The following PGLYRP4 variants were observed in gnomAD, a reference collection of about 807,000 sequenced individuals.
PGLYRP4 encodes the protein peptidoglycan recognition protein 4, also known as PGRP-I-beta.
Under a neutral mutation model 41.2 loss-of-function variants are expected in PGLYRP4, and 39 were observed. The ratio of observed to expected loss-of-function variants is 0.95; its 90% CI spans 0.73 to 1.24. PGLYRP4 has a LOEUF of 1.24. Ranked by LOEUF, PGLYRP4 falls within the 50% of genes most tolerant of loss-of-function variation. PGLYRP4 has a pLI of 0.00. For missense variants in PGLYRP4, 467 were observed against 460.7 expected (o/e 1.01, Z -0.13); for synonymous variants, 202 against 186.8 (o/e 1.08, Z -0.66).
chr1:153,341,572 A>T (rs1660800451), intron 6 of PGLYRP4, 55 bp downstream of exon 6: 4 of 1,512,448 alleles, frequency 2.6e-6, no homozygotes, highest in Non-Finnish European at 3.6e-6. Flanking sequence ...GGTATTTGCG[A>T]GTTAGTTGGG....
chr1:153,345,429 C>T, intron 3 of PGLYRP4, 47 bp from the exon 4 acceptor site: 3 of 1,542,288 alleles, frequency 1.9e-6, no homozygotes, highest in Non-Finnish European at 2.7e-6. Flanking sequence ...ACCGCATTAG[C>T]CCGCCAAGCT....
intron 8 of PGLYRP4, among the ~76,000 whole-genome samples, chr1:153,336,092 G>A (rs915097326): frequency 6.6e-6 from 1 of 151,714 alleles, no homozygotes; most frequent in Non-Finnish European, 1.5e-5. Context: ...ATACTATTCA[G>A]CCATCAAAAA....
chr1:153,346,518 C>T (rs1217066892), intron 2 of PGLYRP4, among the ~76,000 whole-genome samples: 3 of 151,478 alleles, frequency 2.0e-5, no homozygotes, highest in Non-Finnish European at 4.4e-5. Flanking sequence ...CACTTCAAAA[C>T]CACAAAGTCC....
At chr1:153,336,071 T>TGC (rs1660548219) in intron 8 of PGLYRP4, among the ~76,000 whole-genome samples, 2 of 143,044 alleles carry the variant, frequency 1.4e-5, no homozygotes, top group Admixed American at 1.4e-4. Context: ...TGTGTGTGTG[T>TGC]ACACCATAGA....
intron 5 of PGLYRP4, among the ~76,000 whole-genome samples, chr1:153,342,390 T>C (rs1660837302): frequency 6.6e-6 from 1 of 152,162 alleles, no homozygotes; most frequent in Non-Finnish European, 1.5e-5. Flanking sequence ...TCACTTGGGG[T>C]CATCGACCTC....
intron 4 of PGLYRP4, among the ~76,000 whole-genome samples, chr1:153,344,642 G>A (rs1019266703): frequency 3.3e-5 from 5 of 152,334 alleles, no homozygotes; most frequent in African/African-American, 1.2e-4. Context: ...GCACCAGTAC[G>A]ACCTACTAGA....
At chr1:153,331,110 C>A (rs141937674) in intron 8 of PGLYRP4, among the ~76,000 whole-genome samples, 165 bp from the exon 9 acceptor site, 1 of 152,252 alleles carries the variant, frequency 6.6e-6, no homozygotes, top group African/African-American at 2.4e-5. Context: ...TTTCTTAGTG[C>A]CAAAGTTTTC....
chr1:153,339,084 A>T (rs1250077688), intron 7 of PGLYRP4, among the ~76,000 whole-genome samples: 1 of 152,248 alleles, frequency 6.6e-6, no homozygotes, highest in Non-Finnish European at 1.5e-5. Context: ...AAAATGACAC[A>T]GTCATAATGC....
intron 2 of PGLYRP4, among the ~76,000 whole-genome samples, chr1:153,346,919 A>G (rs1414069957): frequency 1.3e-5 from 2 of 152,246 alleles, no homozygotes; most frequent in African/African-American, 2.4e-5. Flanking sequence ...ATAAGGGTTT[A>G]TAGAGCTTAA....
At chr1:153,340,135 G>A (rs566413043) in intron 7 of PGLYRP4, among the ~76,000 whole-genome samples, 7 of 152,272 alleles carry the variant, frequency 4.6e-5, no homozygotes, top group South Asian at 4.1e-4. Context: ...TGTAGCATCC[G>A]TCATGCCAGT....
chr1:153,340,071 A>C (rs1660729686), intron 7 of PGLYRP4, among the ~76,000 whole-genome samples: 1 of 152,196 alleles, frequency 6.6e-6, no homozygotes, highest in Non-Finnish European at 1.5e-5. Context: ...TCTTTTCTAC[A>C]GGTGTCACAA....
intron 8 of PGLYRP4, chr1:153,331,834 A>C (rs1326467629): frequency 2.0e-5 from 3 of 152,380 alleles, no homozygotes; most frequent in Admixed American, 2.0e-4. Context: ...ATGGAAACTA[A>C]AGGGCAATAC....
chr1:153,339,698 A>G (rs1425596719), intron 7 of PGLYRP4, among the ~76,000 whole-genome samples: 2 of 152,172 alleles, frequency 1.3e-5, no homozygotes, highest in Admixed American at 1.3e-4. Flanking sequence ...TTTAAAATCA[A>G]TACTTTTTAA....
chr1:153,335,968 A>G (rs540800224), intron 8 of PGLYRP4, among the ~76,000 whole-genome samples: 16 of 152,294 alleles, frequency 1.1e-4, no homozygotes, highest in Admixed American at 2.6e-4. Flanking sequence ...TCTCAACACT[A>G]TTCATAATAG....
At chr1:153,345,866 C>A (rs1183389259) in intron 3 of PGLYRP4, among the ~76,000 whole-genome samples, 1 of 152,190 alleles carries the variant, frequency 6.6e-6, no homozygotes, top group East Asian at 1.9e-4. Context: ...CACAGGGAGT[C>A]CCTGTCTGCA....
intron 5 of PGLYRP4, 124 bp downstream of exon 5, chr1:153,342,966 G>C (rs534190993): frequency 1.6e-5 from 9 of 572,252 alleles, no homozygotes; most frequent in Non-Finnish European, 3.1e-6. Context: ...AGAGAGAGTG[G>C]GTCTTCAGAG....
chr1:153,347,594 G>C (rs190799823), intron 2 of PGLYRP4, among the ~76,000 whole-genome samples: 1 of 152,106 alleles, frequency 6.6e-6, no homozygotes, highest in Non-Finnish European at 1.5e-5. Context: ...GGATGGTCTC[G>C]ATCTCTTAAC....
intron 8 of PGLYRP4, among the ~76,000 whole-genome samples, chr1:153,333,706 A>C (rs551925013): frequency 6.6e-6 from 1 of 152,222 alleles, no homozygotes; most frequent in South Asian, 2.1e-4. Flanking sequence ...CATATCAAAA[A>C]GTTAATTCCC....
Position 153,337,269 on chromosome 1 carries a change from A to G in PGLYRP4, c.855T>C (p.Tyr285=). Residue 285 remains tyrosine, a synonymous_variant, in exon 8 of 9, where the codon TAT becomes TAC. Coordinates refer to ENST00000359650, the MANE Select transcript of PGLYRP4 (RefSeq NM_020393.4). The stretch of plus-strand genomic sequence containing the variant: ...CTTGGACATTCCAGCCCACCCCTTC[A>G]TAAATGGCGCCATCCTGGCCCACCA... The part of the protein sequence containing the change: ...NFLVGQDGAI[Y]EGVGWNVQGS... 1.2e-6 allele frequency: 2 copies of G among 1,612,698 alleles called. No individual in the cohort carries two copies. The highest frequency in any genetic ancestry group is 1.7e-6 in the Non-Finnish European group (2 of 1,179,286).
Sources: gnomAD v4.1 joint callset for allele counts (sites outside exome capture counted in the v4.1 genomes callset) on GRCh38, gnomAD v4.1.1 for gene constraint, MANE v1.5 for transcripts, NCBI Gene and HGNC (gene_info 2026-07-23, HGNC 2026-07-21) for gene names.